WDPCP: variants seen among roughly 807,000 people sequenced by gnomAD.
WDPCP encodes the protein WD repeat containing planar cell polarity effector.
In WDPCP, 71 loss-of-function variants were observed where a neutral mutation model predicts 93.1. The ratio of observed to expected loss-of-function variants is 0.76; its 90% confidence interval spans 0.63 to 0.93. The LOEUF (loss-of-function observed/expected upper bound fraction) is 0.93, where lower values mean the gene tolerates loss of function less well. Ranked by LOEUF, WDPCP falls within the 40% of genes least tolerant of loss-of-function variation. The probability of loss-of-function intolerance (pLI) is 0.00; values close to 1 mark genes in which losing one functional copy is unlikely to be tolerated. For synonymous variants in WDPCP, 315 were observed against 315.0 expected, an observed-to-expected ratio of 1.00 and a Z score of 0.00; for missense variants, 844 against 887.4, an observed-to-expected ratio of 0.95 and a Z score of 0.62.
At chr2:63,403,947 A>G (rs1173986399) in intron 10 of WDPCP, 101 bp downstream of exon 10, 5 of 1,523,480 alleles carry the variant, frequency 3.3e-6, no homozygotes, top group Non-Finnish European at 4.5e-6. Context: ...TTATGGGATG[A>G]TAAATAGAAA....
At chr2:63,188,116 A>G (rs912867070) in intron 14 of WDPCP, among the ~76,000 whole-genome samples, 2 of 152,084 alleles carry the variant, frequency 1.3e-5, no homozygotes, top group African/African-American at 2.4e-5. Flanking sequence ...TGGTTTCAAG[A>G]TTCTTCCTTT....
chr2:63,329,124 T>C (rs939701223), intron 12 of WDPCP, among the ~76,000 whole-genome samples: 1 of 152,222 alleles, frequency 6.6e-6, no homozygotes, highest in Non-Finnish European at 1.5e-5. Context: ...TATTACACTG[T>C]ACGTTAGATC....
intron 11 of WDPCP, among the ~76,000 whole-genome samples, chr2:63,381,477 C>T (rs1458903513): frequency 6.6e-6 from 1 of 151,970 alleles, no homozygotes; most frequent in African/African-American, 2.4e-5. Flanking sequence ...GTGTTAAGGA[C>T]TATTGTCTGG....
chr2:63,562,917 A>T (rs1293342205), intron 1 of WDPCP, among the ~76,000 whole-genome samples: 1 of 152,176 alleles, frequency 6.6e-6, no homozygotes, highest in Admixed American at 6.5e-5. Context: ...AGAGGCCCTG[A>T]ACCCTTTTAG....
chr2:63,756,920 T>C (rs1261059761), intron 2 of WDPCP, among the ~76,000 whole-genome samples: 3 of 152,310 alleles, frequency 2.0e-5, no homozygotes, highest in Admixed American at 2.0e-4. Context: ...ATCACTACAC[T>C]GTGCTCATAT....
At chr2:63,646,696 T>A (rs1261733852) in intron 3 of WDPCP, among the ~76,000 whole-genome samples, 1 of 152,198 alleles carries the variant, frequency 6.6e-6, no homozygotes, top group African/African-American at 2.4e-5. Context: ...AGTAAAACTT[T>A]GTTTTTCCTT....
chr2:63,824,537 CAAAA>C (rs70965144), intron 1 of WDPCP, among the ~76,000 whole-genome samples: 1 of 85,330 alleles, frequency 1.2e-5, no homozygotes, highest in Admixed American at 1.6e-4. Flanking sequence ...GACCATGTTT[CAAAA>C]AAAAAAAAAA....
intron 16 of WDPCP, among the ~76,000 whole-genome samples, chr2:63,153,279 T>C (rs566855728): frequency 6.6e-6 from 1 of 152,256 alleles, no homozygotes; most frequent in East Asian, 1.9e-4. Context: ...TTTAACAAGA[T>C]CTCCAAATTT....
At chr2:63,564,819 C>CCAGGT (rs1706908986) in intron 1 of WDPCP, among the ~76,000 whole-genome samples, 1 of 150,650 alleles carries the variant, frequency 6.6e-6, no homozygotes, top group African/African-American at 2.4e-5. Context: ...GCTCTGTCGC[C>CCAGGT]CAGGTTGGAG....
chr2:63,563,037 G>A (rs1019944182), intron 1 of WDPCP, among the ~76,000 whole-genome samples: 5 of 152,034 alleles, frequency 3.3e-5, no homozygotes, highest in African/African-American at 1.2e-4. Context: ...ATATATGTAG[G>A]TATACACACA....
At chr2:63,126,666 GTTTT>G (rs763749429) in intron 17 of WDPCP, among the ~76,000 whole-genome samples, 11 of 98,116 alleles carry the variant, frequency 1.1e-4, no homozygotes, top group African/African-American at 3.3e-4. Context: ...CTTGTTTTGT[GTTTT>G]TTTTTTTTTT....
Position 63,147,837 on chromosome 2 carries a change from C to T in WDPCP, c.2190+5077G>A, listed in dbSNP as rs190025643. 1.6e-3 allele frequency among the ~76,000 whole-genome samples: 238 copies of T among 152,062 alleles called. 1 individual carries two copies. Among genetic ancestry groups the T allele is most frequent in the African/African-American group, 5.1e-3 (212 of 41,474 alleles). Reference sequence around the variant, plus strand: ...TGCAAACATTAGCTGGGAGTGGTGGCACGTGCCTGTTATCTCAGCTACTTG... The same window carrying T: ...TGCAAACATTAGCTGGGAGTGGTGGTACGTGCCTGTTATCTCAGCTACTTG... On this transcript the variant is annotated intron_variant, in intron 17 of 17. Transcript: ENST00000272321.
intron 2 of WDPCP, among the ~76,000 whole-genome samples, chr2:63,757,558 T>C (rs1274334751): frequency 1.3e-5 from 2 of 152,096 alleles, no homozygotes; most frequent in African/African-American, 4.8e-5. Context: ...CCTAAGGGAA[T>C]GGGTGGGTAT....
intron 2 of WDPCP, among the ~76,000 whole-genome samples, chr2:63,810,110 A>G (rs1670841053): frequency 6.6e-6 from 1 of 152,170 alleles, no homozygotes; most frequent in Admixed American, 6.5e-5. Context: ...AAGAGCACCT[A>G]AAGACCTGGT....
intron 2 of WDPCP, among the ~76,000 whole-genome samples, chr2:63,775,653 C>T (rs1204514750): frequency 6.6e-6 from 1 of 152,134 alleles, no homozygotes; most frequent in South Asian, 2.1e-4. Context: ...TTATGCTATC[C>T]TGGATCCTTA....
chr2:63,750,395 C>T lies in WDPCP; in HGVS notation n.308+63227G>A, dbSNP rs370125429. ...TCTTGAAATATTTTGGTTTATTTCA[C>T]GCACAACCTTGGTAAAATAAATAGG... On this transcript the variant is annotated intron_variant and non_coding_transcript_variant, in intron 2 of 4. Coordinates refer to the WDPCP transcript ENST00000467687. 1.1e-4 allele frequency among the ~76,000 whole-genome samples: 17 copies of T among 151,964 alleles called. 1 individual carries two copies. The South Asian group carries it at 2.7e-3, about 24-fold the overall frequency.
chr2:63,493,332 T>G (rs778302245), intron 1 of WDPCP, among the ~76,000 whole-genome samples: 8 of 152,164 alleles, frequency 5.3e-5, no homozygotes, highest in Non-Finnish European at 8.8e-5. Flanking sequence ...CGAGCACATT[T>G]TGTGGTGCAT....
intron 2 of WDPCP, among the ~76,000 whole-genome samples, chr2:63,729,569 C>T (rs948437458): frequency 6.6e-6 from 1 of 152,102 alleles, no homozygotes; most frequent in African/African-American, 2.4e-5. Flanking sequence ...TCCTCTGAAC[C>T]CTGCTGCCTC....
chr2:63,227,353 G>A (rs930259869), intron 14 of WDPCP, among the ~76,000 whole-genome samples: 1 of 151,956 alleles, frequency 6.6e-6, no homozygotes, highest in Non-Finnish European at 1.5e-5. Flanking sequence ...ACCATGCAAA[G>A]GTGTTACAGT....
Sources: allele counts gnomAD v4.1 joint callset (sites outside exome capture counted in the v4.1 genomes callset), GRCh38; gene constraint gnomAD v4.1.1; transcripts MANE v1.5; gene names NCBI Gene and HGNC (gene_info 2026-07-23, HGNC 2026-07-21).